Variants in GRID1 observed in about 807,000 individuals in gnomAD.
GRID1 encodes glutamate ionotropic receptor delta type subunit 1.
Under a neutral mutation model 98.0 loss-of-function variants are expected in GRID1, and 28 were observed. That is an observed-to-expected ratio of 0.29 (90% CI 0.21 to 0.39). The LOEUF (loss-of-function observed/expected upper bound fraction) is 0.39. Ranked by LOEUF, GRID1 falls within the 10% of genes least tolerant of loss-of-function variation. The pLI, the probability that GRID1 is intolerant of heterozygous loss-of-function variation, is 1.00. For missense variants in GRID1, 1,111 were observed against 1,340.5 expected (o/e 0.83, Z 2.67); for synonymous variants, 553 against 538.5 (o/e 1.03, Z -0.37).
intron 8 of GRID1, among the ~76,000 whole-genome samples, chr10:85,808,343 GAAGTATGTT>G (rs1213496206): frequency 8.5e-5 from 13 of 152,144 alleles, no homozygotes; most frequent in Admixed American, 2.6e-4. Context: ...AAAAATTTGT[GAAGTATGTT>G]AAGAGAAAGG....
chr10:85,971,849 C>G (rs1842412564), intron 4 of GRID1, among the ~76,000 whole-genome samples: 1 of 152,012 alleles, frequency 6.6e-6, no homozygotes, highest in Non-Finnish European at 1.5e-5. Flanking sequence ...GGTATATACC[C>G]TAGATAAGTG....
At chr10:86,100,212 A>G (rs575696611) in intron 4 of GRID1, among the ~76,000 whole-genome samples, 1 of 152,328 alleles carries the variant, frequency 6.6e-6, no homozygotes, top group African/African-American at 2.4e-5. Flanking sequence ...AATCACACAC[A>G]TAACTGAGCC....
At chr10:85,656,191 C>T (rs1840893250) in intron 12 of GRID1, among the ~76,000 whole-genome samples, 1 of 152,158 alleles carries the variant, frequency 6.6e-6, no homozygotes, top group Non-Finnish European at 1.5e-5. Flanking sequence ...GTGGCCAATT[C>T]TCAGTCTTCA....
At chr10:85,908,728 A>G (rs1841495615) in intron 5 of GRID1, among the ~76,000 whole-genome samples, 1 of 152,200 alleles carries the variant, frequency 6.6e-6, no homozygotes, top group African/African-American at 2.4e-5. Flanking sequence ...GATAACCAAA[A>G]CAATCTTGAA....
intron 13 of GRID1, among the ~76,000 whole-genome samples, chr10:85,632,260 A>G (rs34144044): frequency 0.62 from 93,928 of 151,916 alleles, 29,731 homozygotes; most frequent in African/African-American, 0.76. Context: ...GAGGCTTCAC[A>G]GACAGCATCA....
chr10:86,275,436 C>G (rs373466888), intron 2 of GRID1, among the ~76,000 whole-genome samples: 2 of 151,746 alleles, frequency 1.3e-5, no homozygotes, highest in African/African-American at 2.4e-5. Flanking sequence ...TAAGGAAGCC[C>G]AGGCATCAGA....
At chr10:86,276,508 T>G (rs1847271283) in intron 2 of GRID1, among the ~76,000 whole-genome samples, 1 of 152,066 alleles carries the variant, frequency 6.6e-6, no homozygotes, top group South Asian at 2.1e-4. Context: ...TACGACTTTT[T>G]TTTTTTTTTT....
chr10:85,886,557 T>G (rs143927845), intron 5 of GRID1, among the ~76,000 whole-genome samples: 4 of 152,194 alleles, frequency 2.6e-5, no homozygotes, highest in South Asian at 4.1e-4. Flanking sequence ...AAAATTTCAA[T>G]GATGGACATG....
chr10:85,935,719 T>G (rs1186979480), intron 4 of GRID1, among the ~76,000 whole-genome samples: 1 of 152,190 alleles, frequency 6.6e-6, no homozygotes, highest in Non-Finnish European at 1.5e-5. Context: ...TTTAATCCCC[T>G]CAGCAACTCT....
chr10:85,700,910 G>A (rs1156852546), intron 12 of GRID1, among the ~76,000 whole-genome samples: 1 of 152,158 alleles, frequency 6.6e-6, no homozygotes, highest in African/African-American at 2.4e-5. Flanking sequence ...TATATGGACA[G>A]GGTGGATTGC....
At position 85,600,059 on chromosome 10, in the gene GRID1, C is replaced by T. The variant is rs1233862965; in HGVS notation, c.*2214G>A. 6.6e-6 allele frequency: 1 copy of T among 151,896 alleles called. No individual in the cohort carries two copies. The highest frequency in any genetic ancestry group is 6.6e-5 in the Admixed American group (1 of 15,212). 9.4% of individuals were successfully genotyped at this position (151,896 alleles called of 1,614,324 possible). ...AGCTATACCCCAGAAGACAGGCCAT[C>T]TCAGGGGGCAATGAGGAAACAGAGT... is the stretch of plus-strand genomic sequence containing the variant. On this transcript the variant is annotated 3_prime_UTR_variant, in exon 16 of 16. Transcript: ENST00000327946.
intron 8 of GRID1, among the ~76,000 whole-genome samples, chr10:85,802,488 C>G (rs1329303607): frequency 6.6e-6 from 1 of 151,952 alleles, no homozygotes; most frequent in East Asian, 1.9e-4. Flanking sequence ...CAAAGGACTA[C>G]TGGATAAATA....
At chr10:86,134,622 C>G (rs567648746) in intron 4 of GRID1, among the ~76,000 whole-genome samples, 10 of 152,302 alleles carry the variant, frequency 6.6e-5, no homozygotes, top group Admixed American at 5.9e-4. Context: ...ATCCCAGCCT[C>G]AGCTCCAGCC....
At chr10:86,231,538 C>T (rs1846453080) in intron 2 of GRID1, among the ~76,000 whole-genome samples, 1 of 152,162 alleles carries the variant, frequency 6.6e-6, no homozygotes, top group African/African-American at 2.4e-5. Context: ...CATTCTCTCT[C>T]TCCACAAGTA....
chr10:85,868,340 A>G (rs930118940), intron 6 of GRID1, among the ~76,000 whole-genome samples: 1 of 152,190 alleles, frequency 6.6e-6, no homozygotes, highest in African/African-American at 2.4e-5. Context: ...CCAAACACCC[A>G]GAGAGAAACC....
chr10:85,632,303 A>T (rs988893945), intron 13 of GRID1, among the ~76,000 whole-genome samples: 2 of 152,164 alleles, frequency 1.3e-5, no homozygotes, highest in Non-Finnish European at 2.9e-5. Context: ...TCTAAAATTC[A>T]AGAATAAATA....
intron 5 of GRID1, among the ~76,000 whole-genome samples, chr10:85,883,187 C>A (rs1010315119): frequency 6.6e-6 from 1 of 152,076 alleles, no homozygotes; most frequent in Non-Finnish European, 1.5e-5. Context: ...ATTCTTTCTG[C>A]GTATGTATCC....
intron 4 of GRID1, among the ~76,000 whole-genome samples, chr10:86,121,271 T>C (rs1844660964): frequency 1.3e-5 from 2 of 150,788 alleles, no homozygotes; most frequent in Admixed American, 1.3e-4. Flanking sequence ...AAAGTTGCAA[T>C]TTCATTCTGC....
intron 4 of GRID1, among the ~76,000 whole-genome samples, chr10:85,919,992 G>T (rs1841679951): frequency 6.6e-6 from 1 of 152,130 alleles, no homozygotes; most frequent in Non-Finnish European, 1.5e-5. Flanking sequence ...CACTCACGGT[G>T]CCTTGGAATG....
Sources: gnomAD v4.1 joint callset for allele counts (sites outside exome capture counted in the v4.1 genomes callset) on GRCh38, gnomAD v4.1.1 for gene constraint, MANE v1.5 for transcripts, NCBI Gene and HGNC (gene_info 2026-07-23, HGNC 2026-07-21) for gene names.